NSRP1: variants seen among roughly 807,000 people sequenced by gnomAD.
NSRP1 encodes coiled-coil domain containing 55.
Under a neutral mutation model 54.7 loss-of-function variants are expected in NSRP1, and 24 were observed. The observed-to-expected ratio is 0.44, with a 90% CI of 0.32 to 0.62. The LOEUF (loss-of-function observed/expected upper bound fraction) is 0.62. Among genes scored for constraint, NSRP1 ranks in the 20% least tolerant of loss-of-function variants. NSRP1 has a pLI of 0.06. For missense variants in NSRP1, 596 were observed against 651.2 expected (o/e 0.92, Z 0.92); for synonymous variants, 210 against 213.8 (o/e 0.98, Z 0.15).
In NSRP1 at chr17:30,135,883, A is replaced by C. The variant is rs186232198; in HGVS notation, c.114+17710A>C. On this transcript the variant is annotated intron_variant, in intron 2 of 6. Transcript: ENST00000247026. ...ATATAGATGAAAAACTGCTTATTTT[A>C]TTTTATTTCATTTTTTTGATCATGG... Among the ~76,000 whole-genome samples, 7 of 151,974 alleles carry C rather than the reference A, an allele frequency of 4.6e-5. No individual in the cohort carries two copies. In the East Asian group the frequency reaches 9.7e-4, roughly 21 times the overall value.
intron 5 of NSRP1, among the ~76,000 whole-genome samples, chr17:30,179,890 G>A (rs1320789379): frequency 3.9e-5 from 6 of 152,018 alleles, no homozygotes; most frequent in Non-Finnish European, 8.8e-5. Context: ...AGGCTGGAGT[G>A]CAGTGGCTCA....
In NSRP1 at chr17:30,184,666, A is replaced by G. The variant is rs200172892; in HGVS notation, c.669A>G (p.Ser223=). The part of the protein sequence containing the change: ...KSRGFSNEVS[S]KNRIPQEKCI... ...GGGGCTTCTCCAATGAAGTAAGTTC[A>G]AAAAACAGAATACCACAAGAGAAAT... Residue 223 remains serine, a synonymous_variant, in exon 7 of 7, where the codon TCA becomes TCG. Coordinates refer to ENST00000247026, the MANE Select transcript of NSRP1 (RefSeq NM_032141.4). 137 of 1,600,508 alleles carry G rather than the reference A, an allele frequency of 8.6e-5. No individual in the cohort carries two copies. The highest frequency in any genetic ancestry group is 3.5e-4 in the Middle Eastern group (2 of 5,748).
chr17:30,160,849 G>T (rs1904487443), intron 2 of NSRP1, among the ~76,000 whole-genome samples: 1 of 152,160 alleles, frequency 6.6e-6, no homozygotes, highest in Admixed American at 6.6e-5. Context: ...TTATGAAAAT[G>T]AATTTATAGG....
rs201711495 is a variant in NSRP1 at position 30,172,010 on chromosome 17, T to A, written c.115-532T>A. On this transcript the variant is annotated intron_variant, in intron 2 of 6. Transcript: ENST00000247026. ...CTCTCTCTCTCTCTCTCTCTCTCTC[T>A]CTCTCACATGTTCACATGAAGCAAA... is the stretch of plus-strand genomic sequence containing the variant. Among the ~76,000 whole-genome samples, 3 of 131,540 alleles carry A rather than the reference T, an allele frequency of 2.3e-5. No individual in the cohort carries two copies. In the East Asian group the frequency reaches 1.0e-3, roughly 45 times the overall value. The allele number at this position is 131,540 out of a possible 152,430, so 86.3% of individuals were successfully genotyped here. A position where few individuals can be genotyped will look rare whatever the true frequency, so the allele number is the denominator to read the frequency against.
intron 2 of NSRP1, among the ~76,000 whole-genome samples, chr17:30,155,205 T>C (rs1055272443): frequency 2.6e-5 from 4 of 152,180 alleles, no homozygotes; most frequent in Non-Finnish European, 4.4e-5. Flanking sequence ...GGATTACTTG[T>C]TCTTAAATCC....
At chr17:30,141,190 A>G (rs1189023213) in intron 2 of NSRP1, among the ~76,000 whole-genome samples, 2 of 152,042 alleles carry the variant, frequency 1.3e-5, no homozygotes, top group African/African-American at 4.8e-5. Flanking sequence ...TTTTATCTTT[A>G]TTATCTCCAT....
intron 2 of NSRP1, among the ~76,000 whole-genome samples, chr17:30,123,730 T>C (rs1173709852): frequency 6.6e-6 from 1 of 152,152 alleles, no homozygotes; most frequent in Admixed American, 6.6e-5. Context: ...TGAAATTTTT[T>C]TTTTTTAATA....
At chr17:30,175,728 C>T (rs1905103800) in intron 3 of NSRP1, among the ~76,000 whole-genome samples, 1 of 152,102 alleles carries the variant, frequency 6.6e-6, no homozygotes, top group African/African-American at 2.4e-5. Flanking sequence ...TTTTGGATTC[C>T]AAGACACTGC....
intron 2 of NSRP1, among the ~76,000 whole-genome samples, chr17:30,129,515 A>G (rs2071681118): frequency 6.6e-6 from 1 of 151,946 alleles, no homozygotes. Context: ...TCCTTTCACT[A>G]TTTCTTGATA....
chr17:30,176,615 C>CA (rs1280206223), intron 3 of NSRP1, among the ~76,000 whole-genome samples: 6 of 122,676 alleles, frequency 4.9e-5, no homozygotes, highest in Non-Finnish European at 9.2e-5. Context: ...GTCCCCCCCC[C>CA]CCCAAAAAAA....
At chr17:30,134,884 A>C (rs1157299371) in intron 2 of NSRP1, among the ~76,000 whole-genome samples, 1 of 152,208 alleles carries the variant, frequency 6.6e-6, no homozygotes, top group East Asian at 1.9e-4. Context: ...GTTGTGTTCA[A>C]ATGTGCTTTT....
chr17:30,135,766 G>A (rs997878122), intron 2 of NSRP1, among the ~76,000 whole-genome samples: 5 of 151,846 alleles, frequency 3.3e-5, no homozygotes, highest in East Asian at 2.0e-4. Flanking sequence ...CACCATGCCC[G>A]GTGTTGGCAC....
At chr17:30,134,028 G>T (rs1311902295) in intron 2 of NSRP1, among the ~76,000 whole-genome samples, 4 of 152,182 alleles carry the variant, frequency 2.6e-5, no homozygotes, top group Non-Finnish European at 4.4e-5. Context: ...TTTAAAGTAA[G>T]AAACCTGCTA....
chr17:30,137,210 G>A (rs1344249251), intron 2 of NSRP1, among the ~76,000 whole-genome samples: 2 of 152,140 alleles, frequency 1.3e-5, no homozygotes, highest in Admixed American at 1.3e-4. Flanking sequence ...AATTAAGGGA[G>A]TTTCTCCGTA....
chr17:30,152,803 A>T (rs971798222), intron 2 of NSRP1, among the ~76,000 whole-genome samples: 1 of 151,024 alleles, frequency 6.6e-6, no homozygotes, highest in Non-Finnish European at 1.5e-5. Context: ...TGTTCTTCAC[A>T]TACGTTTCTC....
chr17:30,184,866 G>A lies in NSRP1; in HGVS notation c.869G>A (p.Arg290Gln), dbSNP rs116966685. 5,320 of 1,614,006 alleles carry A rather than the reference G, an allele frequency of 3.3e-3. 180 individuals are homozygous for A. The Admixed American group carries it at 0.062, about 19-fold the overall frequency. ...FKHHRSQNHSRSPSEERGHST... is the reference protein window; with the variant it reads ...FKHHRSQNHSQSPSEERGHST... ...CACCACAGGAGTCAAAACCACTCTC[G>A]GTCACCTAGTGAAGAAAGAGGGCAC... Residue 290 changes from arginine to glutamine, a missense_variant, in exon 7 of 7, where the codon CGG becomes CAG. Coordinates refer to ENST00000247026, the MANE Select transcript of NSRP1 (RefSeq NM_032141.4).
At chr17:30,139,397 A>AT (rs1337474099) in intron 2 of NSRP1, among the ~76,000 whole-genome samples, 1 of 152,036 alleles carries the variant, frequency 6.6e-6, no homozygotes, top group Non-Finnish European at 1.5e-5. Context: ...CAGTTTATCA[A>AT]TTTTTTTGTT....
intron 2 of NSRP1, among the ~76,000 whole-genome samples, chr17:30,163,679 CTTTT>C (rs370423700): frequency 2.2e-5 from 2 of 90,878 alleles, no homozygotes; most frequent in South Asian, 3.6e-4. Context: ...ACTTTGACCA[CTTTT>C]TTTTTTTTTT....
chr17:30,170,634 A>G lies in NSRP1; in HGVS notation c.115-1908A>G, dbSNP rs542192143. On this transcript the variant is annotated intron_variant, in intron 2 of 6. Transcript: ENST00000247026. Reference sequence around the variant, plus strand: ...AAGATCTCCTTTTTAAAGGCTGAATAATACTCCATCATACATATTTACCAC... The same window carrying G: ...AAGATCTCCTTTTTAAAGGCTGAATGATACTCCATCATACATATTTACCAC... 6.6e-5 allele frequency among the ~76,000 whole-genome samples: 10 copies of G among 152,326 alleles called. No homozygotes were observed. The South Asian group carries it at 1.7e-3, about 25-fold the overall frequency.
Sources: gnomAD v4.1 joint callset for allele counts (sites outside exome capture counted in the v4.1 genomes callset) on GRCh38, gnomAD v4.1.1 for gene constraint, MANE v1.5 for transcripts, NCBI Gene and HGNC (gene_info 2026-07-23, HGNC 2026-07-21) for gene names.